The following ENTPD5 variants were observed in gnomAD, a reference collection of about 807,000 sequenced individuals.
The protein encoded by ENTPD5 is ectonucleoside triphosphate diphosphohydrolase 5 (inactive).
ENTPD5 carries 49 observed loss-of-function variants against 60.2 expected under a neutral mutation model. The ratio of observed to expected loss-of-function variants is 0.81; its 90% CI spans 0.65 to 1.03. The LOEUF is 1.03. Ranked by LOEUF, ENTPD5 falls within the 50% of genes least tolerant of loss-of-function variation. The pLI is 0.00. For missense variants in ENTPD5, 480 were observed against 507.6 expected, an observed-to-expected ratio of 0.95 and a Z score of 0.52; for synonymous variants, 187 against 185.4, an observed-to-expected ratio of 1.01 and a Z score of -0.07.
intron 5 of ENTPD5, chr14:73,986,367 G>C (rs1266381636): frequency 6.4e-6 from 1 of 155,666 alleles, no homozygotes; most frequent in African/African-American, 2.4e-5. Flanking sequence ...GTCATCATGG[G>C]TTGTTGCCTA....
At chr14:73,976,105 C>T in intron 9 of ENTPD5, 90 bp from the exon 10 acceptor site, 2 of 1,135,198 alleles carry the variant, frequency 1.8e-6, no homozygotes, top group East Asian at 2.3e-5. Flanking sequence ...AGCAAAAAAT[C>T]AGAGATGAAG....
At chr14:73,961,730 C>A, downstream of ENTPD5, 1 of 1,614,078 alleles carries the variant, frequency 6.2e-7, no homozygotes, top group Admixed American at 1.7e-5. Flanking sequence ...TTTCCTCTGC[C>A]CTTCAGGTTC....
downstream of ENTPD5, chr14:73,959,094 G>T: frequency 6.2e-7 from 1 of 1,614,172 alleles, no homozygotes; most frequent in Non-Finnish European, 8.5e-7. Context: ...ATCCTGAGCT[G>T]CCATCTGGGG....
In ENTPD5 at chr14:74,015,888, C is replaced by T. The variant is rs1398559011; in HGVS notation, c.-195G>A. On this transcript the variant is annotated 5_prime_UTR_variant, in exon 2 of 16. Coordinates refer to ENST00000334696, the MANE Select transcript of ENTPD5 (RefSeq NM_001249.5). ...TGATCTTGTCTGTATGAGGATTCAG[C>T]CAAGACACTCCACATTTCTTTGTTG... 2 of 152,098 alleles carry T rather than the reference C, an allele frequency of 1.3e-5. No homozygotes were observed. Among genetic ancestry groups the T allele is most frequent in the African/African-American group, 4.8e-5 (2 of 41,416 alleles). 9.4% of individuals were successfully genotyped at this position (152,098 alleles called of 1,614,324 possible).
chr14:74,008,411 C>T (rs1351430115), intron 3 of ENTPD5, among the ~76,000 whole-genome samples: 4 of 144,802 alleles, frequency 2.8e-5, no homozygotes, highest in Non-Finnish European at 4.5e-5. Flanking sequence ...TTTTTTGAGA[C>T]GGAGTCTCGC....
downstream of ENTPD5, chr14:73,959,909 C>A: frequency 8.4e-7 from 1 of 1,188,546 alleles, no homozygotes; most frequent in Non-Finnish European, 1.1e-6. Context: ...AGTAACCAGT[C>A]AGCTGTCCCT....
intron 3 of ENTPD5, among the ~76,000 whole-genome samples, chr14:74,001,666 CAAAAAAAAAAAAAAAAAAA>C (rs541623960): frequency 6.1e-5 from 3 of 49,338 alleles, no homozygotes; most frequent in South Asian, 1.2e-3. Context: ...GACCTCATCT[CAAAAAAAAAAAAAAAAAAA>C]AAAAAAAAAA....
At chr14:73,961,605 G>A (rs1470179194), downstream of ENTPD5, 3 of 1,610,690 alleles carry the variant, frequency 1.9e-6, no homozygotes, top group Non-Finnish European at 1.7e-6. Flanking sequence ...AGTATCCAGA[G>A]GTCATATAGT....
rs955657073 is a variant in ENTPD5 at position 73,966,213 on chromosome 14, G to A, written c.*715C>T. 6.6e-6 allele frequency: 1 copy of A among 152,186 alleles called. No individual in the cohort carries two copies. The highest frequency in any genetic ancestry group is 1.5e-5 in the Non-Finnish European group (1 of 68,034). The allele number at this position is 152,186 out of a possible 1,614,324, so 9.4% of individuals were successfully genotyped here. A position where few individuals can be genotyped will look rare whatever the true frequency, so the allele number is the denominator to read the frequency against. On this transcript the variant is annotated 3_prime_UTR_variant, in exon 16 of 16. Transcript: ENST00000334696. ...GGATATGTTCATTAATCCCAGAGTT[G>A]ACTGATAAAATGCTGATTAAAGCAA... is the stretch of plus-strand genomic sequence containing the variant.
chr14:73,987,800 T>C (rs1379291538), intron 4 of ENTPD5, 86 bp downstream of exon 4: 3 of 1,263,914 alleles, frequency 2.4e-6, no homozygotes, highest in African/African-American at 2.9e-5. Context: ...GTAATTCACA[T>C]AATAAACTCT....
At chr14:73,971,536 A>C (rs2057225427) in intron 14 of ENTPD5, among the ~76,000 whole-genome samples, 1 of 152,200 alleles carries the variant, frequency 6.6e-6, no homozygotes, top group South Asian at 2.1e-4. Flanking sequence ...ATTTTTTTAG[A>C]GACAGAGGTC....
chr14:73,959,631 G>C, downstream of ENTPD5: 3 of 1,564,526 alleles, frequency 1.9e-6, no homozygotes, highest in South Asian at 1.1e-5. Context: ...GCAGTGGCGC[G>C]ATCTTGGCTC....
At chr14:74,001,432 G>A (rs529568700) in intron 3 of ENTPD5, among the ~76,000 whole-genome samples, 98 of 151,746 alleles carry the variant, frequency 6.5e-4, no homozygotes, top group African/African-American at 2.3e-3. Flanking sequence ...AACCTGGGAG[G>A]CCGAGCTTGC....
chr14:73,990,949 A>C (rs1005125521), intron 3 of ENTPD5, among the ~76,000 whole-genome samples: 3 of 152,066 alleles, frequency 2.0e-5, no homozygotes, highest in Admixed American at 6.5e-5. Context: ...GAATTGCTTG[A>C]AACCGGGAAG....
intron 5 of ENTPD5, among the ~76,000 whole-genome samples, chr14:73,984,430 C>T (rs980714995): frequency 1.3e-5 from 2 of 152,134 alleles, no homozygotes; most frequent in African/African-American, 4.8e-5. Flanking sequence ...AGTAATGATG[C>T]CATACTTTTG....
At chr14:73,989,563 G>T (rs142489916) in intron 3 of ENTPD5, among the ~76,000 whole-genome samples, 8,965 of 151,050 alleles carry the variant, frequency 0.059, 289 homozygotes, top group South Asian at 0.24. Flanking sequence ...GCCAGGCGCG[G>T]TGGCTCATGC....
intron 3 of ENTPD5, among the ~76,000 whole-genome samples, chr14:73,995,898 T>A (rs964526414): frequency 1.3e-5 from 2 of 152,170 alleles, no homozygotes; most frequent in Admixed American, 6.5e-5. Flanking sequence ...TGTTTCCAAT[T>A]CTTTTTGTTG....
chr14:73,985,865 A>G (rs1054184238), intron 5 of ENTPD5, among the ~76,000 whole-genome samples: 2 of 152,062 alleles, frequency 1.3e-5, no homozygotes, highest in African/African-American at 4.8e-5. Flanking sequence ...CAAGGTCAGG[A>G]GTTCAAGACC....
rs562188680 is a variant in ENTPD5 at position 73,966,031 on chromosome 14, A to G, written c.*897T>C. The stretch of plus-strand genomic sequence containing the variant: ...AAACTGAAATAATAGATCCTGGAAT[A>G]GCACAGACACTGACCTCTGACCACA... On this transcript the variant is annotated 3_prime_UTR_variant, in exon 16 of 16. Transcript: ENST00000334696. 1 of 152,402 alleles carries G rather than the reference A, an allele frequency of 6.6e-6. No homozygotes were observed. The highest frequency in any genetic ancestry group is 2.1e-4 in the South Asian group (1 of 4,828). The allele number at this position is 152,402 out of a possible 1,614,324, so 9.4% of individuals were successfully genotyped here. A position where few individuals can be genotyped will look rare whatever the true frequency, so the allele number is the denominator to read the frequency against.
Sources: allele counts gnomAD v4.1 joint callset (sites outside exome capture counted in the v4.1 genomes callset), GRCh38; gene constraint gnomAD v4.1.1; transcripts MANE v1.5; gene names NCBI Gene and HGNC (gene_info 2026-07-23, HGNC 2026-07-21).